Variants in CIMIP2C observed in about 807,000 individuals in gnomAD.
CIMIP2C encodes the protein ciliary microtubule inner protein 2C.
chr2:26,563,329 C>G, the CIMIP2C span, among the ~76,000 whole-genome samples: 1 of 152,240 alleles, frequency 6.6e-6, no homozygotes, highest in Non-Finnish European at 1.5e-5. Context: ...TTAGCACTTT[C>G]AAATACTAGG....
the CIMIP2C span, chr2:26,577,426 T>C: frequency 1.6e-6 from 2 of 1,262,812 alleles, no homozygotes; most frequent in Non-Finnish European, 2.3e-6. Flanking sequence ...CCCCCAACCC[T>C]GCCCAGGTGC....
chr2:26,571,805 A>C, the CIMIP2C span, among the ~76,000 whole-genome samples: 1 of 152,282 alleles, frequency 6.6e-6, no homozygotes, highest in East Asian at 1.9e-4. Flanking sequence ...AAAGGACTAG[A>C]TGGAGGAGTG....
At chr2:26,569,186 A>T in the CIMIP2C span, among the ~76,000 whole-genome samples, 1 of 152,064 alleles carries the variant, frequency 6.6e-6, no homozygotes, top group Admixed American at 6.6e-5. Context: ...GATGGGTAAG[A>T]TCACAATGTG....
chr2:26,571,472 T>C, the CIMIP2C span, among the ~76,000 whole-genome samples: 2 of 152,204 alleles, frequency 1.3e-5, no homozygotes, highest in African/African-American at 2.4e-5. Context: ...ATGCACCCCA[T>C]GACTCAGTAA....
the CIMIP2C span, among the ~76,000 whole-genome samples, chr2:26,567,138 A>G: frequency 3.3e-5 from 5 of 152,242 alleles, no homozygotes; most frequent in Admixed American, 1.3e-4. Context: ...CCTGTAGCCC[A>G]CTACTGCCTG....
chr2:26,563,080 C>T, the CIMIP2C span: 1 of 232,606 alleles, frequency 4.3e-6, no homozygotes, highest in African/African-American at 2.3e-5. Flanking sequence ...CCGTCCGGCG[C>T]ACAGGGCCAG....
the CIMIP2C span, among the ~76,000 whole-genome samples, chr2:26,566,322 G>C: frequency 2.0e-5 from 3 of 152,162 alleles, no homozygotes; most frequent in Non-Finnish European, 4.4e-5. Context: ...AGACTTCAGG[G>C]GCCTCTGGTC....
chr2:26,564,722 A>C, the CIMIP2C span, among the ~76,000 whole-genome samples: 2 of 152,264 alleles, frequency 1.3e-5, no homozygotes, highest in African/African-American at 4.8e-5. Flanking sequence ...CACTAATCAC[A>C]GGATTTTAAA....
chr2:26,565,822 C>T, the CIMIP2C span, among the ~76,000 whole-genome samples: 4 of 152,296 alleles, frequency 2.6e-5, no homozygotes, highest in East Asian at 7.7e-4. Flanking sequence ...CTAGGAACCC[C>T]GGGGAACATG....
chr2:26,575,002 C>A, the CIMIP2C span, among the ~76,000 whole-genome samples: 1 of 152,248 alleles, frequency 6.6e-6, no homozygotes, highest in East Asian at 1.9e-4. Context: ...CGCCTGTACT[C>A]TCTGGGTGTT....
chr2:26,577,633 G>A, the CIMIP2C span: 15 of 1,609,150 alleles, frequency 9.3e-6, no homozygotes, highest in African/African-American at 1.3e-5. Context: ...CGTCCTGTGA[G>A]TGCCTGCCCT....
At chr2:26,576,098 C>A in the CIMIP2C span, 1 of 1,614,198 alleles carries the variant, frequency 6.2e-7, no homozygotes, top group Non-Finnish European at 8.5e-7. Context: ...CACCCGGGAC[C>A]GCTGGCTGCA....
the CIMIP2C span, among the ~76,000 whole-genome samples, chr2:26,570,694 C>T: frequency 6.6e-6 from 1 of 152,162 alleles, no homozygotes; most frequent in Non-Finnish European, 1.5e-5. Context: ...GCAAGTGGGG[C>T]CCCAGAGACT....
At chr2:26,565,599 C>T in the CIMIP2C span, among the ~76,000 whole-genome samples, 25 of 152,198 alleles carry the variant, frequency 1.6e-4, no homozygotes, top group Admixed American at 1.5e-3. Context: ...GACTCTGGAG[C>T]AAGCCTGCCT....
At chr2:26,563,300 C>T in the CIMIP2C span, among the ~76,000 whole-genome samples, 4 of 152,238 alleles carry the variant, frequency 2.6e-5, no homozygotes, top group Admixed American at 1.3e-4. Flanking sequence ...GCCACTTGCC[C>T]TGAGCGCTGG....
the CIMIP2C span, among the ~76,000 whole-genome samples, chr2:26,573,294 G>C: frequency 3.0e-4 from 45 of 152,350 alleles, no homozygotes; most frequent in East Asian, 8.3e-3. Context: ...CATCTTTAAT[G>C]TCTCCTCTCT....
chr2:26,576,137 G>A, the CIMIP2C span: 1 of 1,614,066 alleles, frequency 6.2e-7, no homozygotes, highest in Non-Finnish European at 8.5e-7. Context: ...CTTCAACCTG[G>A]ACAGCCATCG....
At chr2:26,567,960 G>A in the CIMIP2C span, among the ~76,000 whole-genome samples, 1 of 152,150 alleles carries the variant, frequency 6.6e-6, no homozygotes, top group African/African-American at 2.4e-5. Flanking sequence ...GGCAGGTGTG[G>A]TCCTGTTTTC....
chr2:26,564,842 C>A, the CIMIP2C span, among the ~76,000 whole-genome samples: 1 of 152,126 alleles, frequency 6.6e-6, no homozygotes, highest in Admixed American at 6.5e-5. Context: ...TAGCCCTGTC[C>A]CCTCCTGTTC....
Sources: gnomAD v4.1 joint callset for allele counts (sites outside exome capture counted in the v4.1 genomes callset) on GRCh38, gnomAD v4.1.1 for gene constraint, MANE v1.5 for transcripts, NCBI Gene and HGNC (gene_info 2026-07-23, HGNC 2026-07-21) for gene names.